ZPBP: variants seen among roughly 807,000 people sequenced by gnomAD.
ZPBP encodes zona pellucida binding protein, also known as zona pellucida-binding protein 1.
A neutral mutation model predicts 44.8 loss-of-function variants in ZPBP; 26 were observed. The ratio of observed to expected loss-of-function variants is 0.58; its 90% CI spans 0.43 to 0.81. The LOEUF is 0.81. ZPBP is among the 30% of genes least tolerant of loss of function. The pLI, the probability that ZPBP is intolerant of heterozygous loss-of-function variation, is 0.00. For synonymous variants in ZPBP, 174 were observed against 153.2 expected, an observed-to-expected ratio of 1.14 and a Z score of -1.00; for missense variants, 409 against 434.0, an observed-to-expected ratio of 0.94 and a Z score of 0.51.
intron 4 of ZPBP, among the ~76,000 whole-genome samples, chr7:50,036,442 G>A (rs893030369): frequency 2.0e-5 from 3 of 152,086 alleles, no homozygotes; most frequent in Admixed American, 6.6e-5. Context: ...AAGCCACCAC[G>A]CCTGGCCAAT....
chr7:50,088,042 A>G lies in ZPBP; in HGVS notation c.208+1587T>C, dbSNP rs115620984. Among the ~76,000 whole-genome samples, 306 of 152,202 alleles carry G rather than the reference A, an allele frequency of 2.0e-3. 3 individuals are homozygous for G. Among genetic ancestry groups the G allele is most frequent in the African/African-American group, 6.9e-3 (285 of 41,572 alleles). On this transcript the variant is annotated intron_variant, in intron 2 of 7. Coordinates refer to ENST00000046087, the MANE Select transcript of ZPBP (RefSeq NM_007009.3). ...GATTTCAAAACTTATTATAAGCAAC[A>G]ATAATCAAGATAGCAAAGTATCAGC...
At chr7:50,073,371 G>A (rs566615318) in intron 3 of ZPBP, among the ~76,000 whole-genome samples, 1 of 151,964 alleles carries the variant, frequency 6.6e-6, no homozygotes, top group South Asian at 2.1e-4. Flanking sequence ...AAAAGAAAAA[G>A]GAGTAAAAAA....
At chr7:50,019,436 G>A (rs898744078) in intron 5 of ZPBP, among the ~76,000 whole-genome samples, 2 of 151,756 alleles carry the variant, frequency 1.3e-5, no homozygotes, top group African/African-American at 2.4e-5. Context: ...TAAAACACTT[G>A]GTAACTCTTC....
intron 2 of ZPBP, among the ~76,000 whole-genome samples, chr7:49,872,540 T>C (rs1162673421): frequency 6.6e-6 from 1 of 151,560 alleles, no homozygotes; most frequent in African/African-American, 2.4e-5. Context: ...AATTTTAAGA[T>C]ACACAAAAAA....
the ZPBP span, among the ~76,000 whole-genome samples, chr7:49,844,715 G>C: frequency 3.9e-5 from 6 of 151,964 alleles, no homozygotes; most frequent in South Asian, 1.0e-3. Flanking sequence ...TTTTTGAGAC[G>C]GAGTTTGGCT....
At position 50,049,199 on chromosome 7, in the gene ZPBP, A is replaced by G. The variant is rs181573402; in HGVS notation, c.487+8790T>C. ...CAAAAAACTACCTATGAAAAACAAC[A>G]CAAGCCCAAAGGTCTTCACTGATGA... On this transcript the variant is annotated intron_variant, in intron 4 of 7. Transcript: ENST00000046087. Among the ~76,000 whole-genome samples the G allele has an allele frequency of 4.0e-3, 611 of 152,152 alleles. 10 individuals carry two copies. The highest frequency in any genetic ancestry group is 2.5e-3 in the Non-Finnish European group (172 of 67,938).
chr7:50,031,267 A>G lies in ZPBP; in HGVS notation c.531T>C (p.Tyr177=). The change falls in exon 5 of 8, where the codon TAT becomes TAC. Residue 177 remains tyrosine, a synonymous_variant. Transcript: ENST00000046087. ...AAATGCTATTGCAGGGAGCTGCATG[A>G]TATCGAGCTGTGAACTGATAATAAT... ...PHYYYQFTAR[Y]HAAPCNSIYN... 1.2e-6 allele frequency: 2 copies of G among 1,612,046 alleles called. No individual in the cohort carries two copies. The highest frequency in any genetic ancestry group is 1.7e-6 in the Non-Finnish European group (2 of 1,179,826).
At chr7:49,957,451 G>C (rs1215195320) in intron 7 of ZPBP, among the ~76,000 whole-genome samples, 1 of 152,128 alleles carries the variant, frequency 6.6e-6, no homozygotes, top group East Asian at 1.9e-4. Context: ...TGCTTCCCAG[G>C]GAAGTCTCAG....
intron 6 of ZPBP, among the ~76,000 whole-genome samples, chr7:50,006,463 A>C (rs1180272762): frequency 6.6e-6 from 1 of 152,106 alleles, no homozygotes; most frequent in Non-Finnish European, 1.5e-5. Context: ...ATTAAATTAA[A>C]TACTGGAAAA....
rs757140644 is a variant in ZPBP, at chr7:49,983,462, C to T, written c.841G>A (p.Ala281Thr). ...NQQVEILGRR[A>T]EQLPQIYYIE... is the part of the protein sequence containing the mutation. ...TAGTATATTTGAGGTAATTGTTCTG[C>T]ACGTCTGCCAAGAATTTCTACTTGT... Residue 281 changes from alanine (A) to threonine (T), a missense_variant, in exon 7 of 8, where the codon GCA becomes ACA. Physicochemically the swap from Ala to Thr is moderately conservative, Grantham distance 58. Transcript: ENST00000046087. The T allele has an allele frequency of 1.2e-6, 2 of 1,611,036 alleles. No homozygotes were observed. Among genetic ancestry groups the T allele is most frequent in the African/African-American group, 1.3e-5 (1 of 74,794 alleles).
intron 2 of ZPBP, among the ~76,000 whole-genome samples, chr7:49,853,677 T>A (rs1005999058): frequency 2.6e-5 from 4 of 152,226 alleles, no homozygotes; most frequent in African/African-American, 9.6e-5. Flanking sequence ...CATTTATTAT[T>A]GCATCCTTTT....
chr7:50,058,460 T>C (rs888111276), intron 3 of ZPBP, among the ~76,000 whole-genome samples: 1 of 152,178 alleles, frequency 6.6e-6, no homozygotes, highest in Non-Finnish European at 1.5e-5. Flanking sequence ...AGTATACATA[T>C]ATACAAATAC....
intron 7 of ZPBP, chr7:49,943,752 T>C (rs1483086): frequency 0.77 from 182,814 of 238,702 alleles, 70,441 homozygotes; most frequent in East Asian, 0.88. Flanking sequence ...CGGGTACCCA[T>C]TGGATCTCTA....
At chr7:49,924,635 T>C (rs1330053314) in intron 1 of ZPBP, among the ~76,000 whole-genome samples, 1 of 152,148 alleles carries the variant, frequency 6.6e-6, no homozygotes, top group South Asian at 2.1e-4. Context: ...GAAAAGGGGC[T>C]GTCACTAGAG....
intron 4 of ZPBP, among the ~76,000 whole-genome samples, chr7:50,045,604 T>C (rs1462684475): frequency 6.6e-6 from 1 of 152,150 alleles, no homozygotes; most frequent in South Asian, 2.1e-4. Context: ...GTGAAGGACC[T>C]CTTCAAGGAG....
chr7:49,858,791 G>C (rs979946644), intron 2 of ZPBP, among the ~76,000 whole-genome samples: 3 of 152,142 alleles, frequency 2.0e-5, no homozygotes, highest in South Asian at 4.1e-4. Flanking sequence ...TATGTAGATA[G>C]TATTAAAAAT....
intron 1 of ZPBP, chr7:49,919,790 TTGCTCCCACC>T (rs1345904431): frequency 6.6e-6 from 1 of 152,314 alleles, no homozygotes; most frequent in Non-Finnish European, 1.5e-5. Context: ...GGTCTATCTA[TTGCTCCCACC>T]TGCTCTGACT....
At chr7:50,054,309 G>A (rs1217871123) in intron 4 of ZPBP, among the ~76,000 whole-genome samples, 2 of 152,114 alleles carry the variant, frequency 1.3e-5, no homozygotes, top group African/African-American at 4.8e-5. Flanking sequence ...TTAAGTGAGA[G>A]AAGGTAGAAA....
chr7:50,010,287 C>T (rs1025460913), intron 6 of ZPBP, among the ~76,000 whole-genome samples: 2 of 151,414 alleles, frequency 1.3e-5, no homozygotes, highest in African/African-American at 4.9e-5. Flanking sequence ...AACAATGAAA[C>T]AGAATAAAGA....
Sources: allele counts gnomAD v4.1 joint callset (sites outside exome capture counted in the v4.1 genomes callset), GRCh38; gene constraint gnomAD v4.1.1; transcripts MANE v1.5; gene names NCBI Gene and HGNC (gene_info 2026-07-23, HGNC 2026-07-21).